CELF4: variants seen among roughly 807,000 people sequenced by gnomAD.
CELF4 encodes the protein CUGBP Elav-like family member 4, also known as CUG-BP- and ETR-3-like factor 4.
CELF4 carries 18 observed loss-of-function variants against 59.9 expected under a neutral mutation model. That is an observed-to-expected ratio of 0.30 (90% CI 0.21 to 0.45). The LOEUF is 0.45. Ranked by LOEUF, CELF4 falls within the 20% of genes least tolerant of loss-of-function variation. The pLI is 1.00. For missense variants in CELF4, 456 were observed against 689.0 expected (o/e 0.66, Z 3.79); for synonymous variants, 261 against 267.1 (o/e 0.98, Z 0.22).
chr18:37,254,555 C>T lies in CELF4; in HGVS notation c.1334-617G>A, dbSNP rs971074450. Among the ~76,000 whole-genome samples, 18 of 152,156 alleles carry T rather than the reference C, an allele frequency of 1.2e-4. No individual in the cohort carries two copies. Among genetic ancestry groups the T allele is most frequent in the African/African-American group, 2.7e-4 (11 of 41,466 alleles). On this transcript the variant is annotated intron_variant, in intron 11 of 12. Transcript: ENST00000420428. This position sits in a 1 kb window ranked among gnomAD's most constrained non-coding sequence, Gnocchi z 5.1. ...CCACTCCCGGCCTCTGCCCGCCCCG[C>T]CAGGCTCCGGGTGGGCCCTGGGCGT...
chr18:37,352,505 A>G (rs1215508536), intron 2 of CELF4, among the ~76,000 whole-genome samples: 2 of 151,848 alleles, frequency 1.3e-5, no homozygotes, highest in Non-Finnish European at 2.9e-5. Context: ...AGGCTGGAGG[A>G]TCCCTTGAGG....
chr18:37,309,474 G>A (rs1168632811), intron 3 of CELF4, among the ~76,000 whole-genome samples: 2 of 152,152 alleles, frequency 1.3e-5, no homozygotes, highest in Non-Finnish European at 2.9e-5. Context: ...CAGAGCCCTA[G>A]CAGCTGCTGC....
chr18:37,286,298 C>T (rs1031272006), intron 3 of CELF4, among the ~76,000 whole-genome samples: 2 of 152,194 alleles, frequency 1.3e-5, no homozygotes, highest in African/African-American at 4.8e-5. Flanking sequence ...AGCGGGGGCT[C>T]GTTAGCTGGG....
chr18:37,326,775 G>T (rs2097331874), intron 2 of CELF4, among the ~76,000 whole-genome samples: 1 of 152,192 alleles, frequency 6.6e-6, no homozygotes, highest in South Asian at 2.1e-4. Context: ...GCGGCAGGGG[G>T]TGGGCAGGTG....
chr18:37,467,879 A>T (rs2099812588), intron 2 of CELF4, among the ~76,000 whole-genome samples: 1 of 152,174 alleles, frequency 6.6e-6, no homozygotes, highest in Non-Finnish European at 1.5e-5. Context: ...CATGTGTAGG[A>T]TGTCATGTGC....
intron 1 of CELF4, among the ~76,000 whole-genome samples, chr18:37,543,385 C>T (rs745661072): frequency 6.6e-6 from 1 of 152,214 alleles, no homozygotes; most frequent in Non-Finnish European, 1.5e-5. Context: ...TCTCCCCAAG[C>T]AGGTGAGGGA....
chr18:37,318,811 G>C (rs550466792), intron 3 of CELF4, among the ~76,000 whole-genome samples: 1 of 152,256 alleles, frequency 6.6e-6, no homozygotes, highest in South Asian at 2.1e-4. Context: ...AGCCCAGCAC[G>C]GCCTTGCTGG....
At chr18:37,516,366 A>C (rs575993463) in intron 1 of CELF4, among the ~76,000 whole-genome samples, 2 of 152,220 alleles carry the variant, frequency 1.3e-5, no homozygotes, top group South Asian at 4.2e-4. Context: ...TCCAAAATTC[A>C]AGTCAGGGGC....
At chr18:37,477,794 C>A (rs2099854336) in intron 2 of CELF4, among the ~76,000 whole-genome samples, 1 of 152,240 alleles carries the variant, frequency 6.6e-6, no homozygotes, top group Admixed American at 6.5e-5. Context: ...GACACCCTCC[C>A]TCCCACAACC....
rs113836866 is a variant in CELF4 at position 37,271,138 on chromosome 18, C to G, written c.950-221G>C. 3.5e-3 allele frequency among the ~76,000 whole-genome samples: 537 copies of G among 152,260 alleles called. 6 individuals are homozygous for G. The highest frequency in any genetic ancestry group is 0.013 in the African/African-American group (520 of 41,534). ...AATTGTATCTATCCTTCAAGGCAGA[C>G]TCCAAATTCCACCTGCCCAAATAAG... On this transcript the variant is annotated intron_variant, in intron 7 of 12. Transcript: ENST00000420428.
chr18:37,508,083 C>T (rs976740981), intron 1 of CELF4, among the ~76,000 whole-genome samples: 7 of 152,250 alleles, frequency 4.6e-5, no homozygotes, highest in Admixed American at 2.0e-4. Context: ...ACCTCCTCTC[C>T]GCTTTTCCCT....
At chr18:37,249,154 AG>A (rs770764409) in intron 12 of CELF4, among the ~76,000 whole-genome samples, 1 of 152,144 alleles carries the variant, frequency 6.6e-6, no homozygotes, top group Non-Finnish European at 1.5e-5. Context: ...CCCCCAGATC[AG>A]GGACCGTCCC....
chr18:37,323,014 A>G (rs879332512), intron 2 of CELF4, among the ~76,000 whole-genome samples: 7 of 152,086 alleles, frequency 4.6e-5, no homozygotes, highest in Non-Finnish European at 1.0e-4. Context: ...TTCCGTTGCC[A>G]ATTCCCTCCC....
At chr18:37,491,818 AG>A (rs1260862947) in intron 1 of CELF4, among the ~76,000 whole-genome samples, 1 of 152,202 alleles carries the variant, frequency 6.6e-6, no homozygotes, top group Non-Finnish European at 1.5e-5. Flanking sequence ...GTGGCCAAGA[AG>A]GTGGGCGGTG....
chr18:37,486,882 C>T (rs947598644), intron 1 of CELF4, among the ~76,000 whole-genome samples: 1 of 152,232 alleles, frequency 6.6e-6, no homozygotes, highest in African/African-American at 2.4e-5. Flanking sequence ...TTCTCCGAAA[C>T]CCATTGATCT....
At chr18:37,558,806 CGTGT>C (rs147683102) in intron 1 of CELF4, among the ~76,000 whole-genome samples, 22 of 145,520 alleles carry the variant, frequency 1.5e-4, no homozygotes, top group African/African-American at 3.8e-4. Context: ...GCTGTCAGGT[CGTGT>C]GTGTGTGTGT....
chr18:37,275,398 C>CG (rs1424994928), intron 3 of CELF4, among the ~76,000 whole-genome samples, 155 bp from the exon 4 acceptor site: 5 of 17,592 alleles, frequency 2.8e-4, no homozygotes, highest in Non-Finnish European at 6.4e-4. Flanking sequence ...GGGAGGGGGA[C>CG]GGGGGCGGGG....
intron 1 of CELF4, among the ~76,000 whole-genome samples, chr18:37,517,140 T>C (rs997148847): frequency 6.6e-6 from 1 of 151,922 alleles, no homozygotes; most frequent in African/African-American, 2.4e-5. Context: ...TGCTGTGGGG[T>C]CAGTTGCTCC....
At chr18:37,271,028 G>C in intron 7 of CELF4, 111 bp from the exon 8 acceptor site, 1 of 903,500 alleles carries the variant, frequency 1.1e-6, no homozygotes, top group Non-Finnish European at 1.6e-6. Flanking sequence ...CCTGCGGATA[G>C]ACTTGGACCT....
Sources: gnomAD v4.1 joint callset for allele counts (sites outside exome capture counted in the v4.1 genomes callset) on GRCh38, gnomAD v4.1.1 for gene constraint, Gnocchi (gnomAD v3.1) non-coding constraint, MANE v1.5 for transcripts, NCBI Gene and HGNC (gene_info 2026-07-23, HGNC 2026-07-21) for gene names.